Variants in POLA2 observed in about 807,000 individuals in gnomAD.
The protein encoded by POLA2 is DNA polymerase alpha subunit B.
POLA2 carries 47 observed loss-of-function variants against 82.8 expected under a neutral mutation model. The ratio of observed to expected loss-of-function variants is 0.57; its 90% CI spans 0.45 to 0.72. POLA2 has a LOEUF of 0.72. Among genes scored for constraint, POLA2 ranks in the 30% least tolerant of loss-of-function variants. POLA2 has a pLI of 0.00. For missense variants in POLA2, 634 were observed against 728.1 expected (o/e 0.87, Z 1.49); for synonymous variants, 287 against 286.8 (o/e 1.00, Z -0.01).
intron 7 of POLA2, 124 bp from the exon 8 acceptor site, chr11:65,280,867 GC>G: frequency 1.1e-6 from 1 of 930,016 alleles, no homozygotes; most frequent in Admixed American, 2.3e-5. Context: ...CAGGGTCAAA[GC>G]AATGCCCTGC....
intron 17 of POLA2, chr11:65,296,640 G>A (rs1428247356): frequency 6.3e-6 from 1 of 159,772 alleles, no homozygotes; most frequent in Non-Finnish European, 1.4e-5. Context: ...AAGCTTTCTA[G>A]TGACAAGTTA....
At chr11:65,304,550 A>T (rs1001665915) in intron 8 of POLA2, among the ~76,000 whole-genome samples, 24 of 152,200 alleles carry the variant, frequency 1.6e-4, no homozygotes, top group African/African-American at 5.8e-4. Flanking sequence ...GAACCAAATG[A>T]CAACGCCACG....
rs1185434415 is a variant in POLA2, at chr11:65,289,032, T to C, written c.1132-18T>C. 1 of 1,612,456 alleles carries C rather than the reference T, an allele frequency of 6.2e-7. No homozygotes were observed. Among genetic ancestry groups the C allele is most frequent in the Admixed American group, 1.7e-5 (1 of 59,916 alleles). On this transcript the variant is annotated intron_variant, in intron 11 of 17. Coordinates refer to ENST00000265465, the MANE Select transcript of POLA2 (RefSeq NM_002689.4). ...ATTCTGATTTGTTCTTTTGGTGTCTTTGTTTCTCCCCTTGCAGTTTGGCCC... is the reference window on the plus strand; with the variant it reads ...ATTCTGATTTGTTCTTTTGGTGTCTCTGTTTCTCCCCTTGCAGTTTGGCCC...
chr11:65,297,145 A>T lies in POLA2; in HGVS notation c.1673A>T (p.Asn558Ile). The change falls in exon 18 of 18, where the codon AAC (asparagine) becomes ATC (isoleucine). Residue 558 changes from asparagine to isoleucine, a missense_variant. Transcript: ENST00000265465. ...GATGTCCTCGGCTGTGTCTGTGTGA[A>T]CCCTGGGCGCCTTACCAAAGGGCAG... ...VKDVLGCVCV[N>I]PGRLTKGQVG... 1.2e-6 allele frequency: 2 copies of T among 1,613,500 alleles called. No individual in the cohort carries two copies. Among genetic ancestry groups the T allele is most frequent in the Non-Finnish European group, 1.7e-6 (2 of 1,179,854 alleles).
chr11:65,300,903 C>T (rs531929768), downstream of POLA2, among the ~76,000 whole-genome samples: 105 of 152,332 alleles, frequency 6.9e-4, 1 homozygote, highest in Non-Finnish European at 2.1e-4. Flanking sequence ...TTTCACTTAG[C>T]ATGATGTTTT....
chr11:65,286,953 C>T (rs1386797962), intron 10 of POLA2, among the ~76,000 whole-genome samples: 1 of 152,132 alleles, frequency 6.6e-6, no homozygotes, highest in East Asian at 1.9e-4. Context: ...AGGAATTCCC[C>T]AGCTGTCTCA....
chr11:65,281,236 C>T (rs1590901200), intron 8 of POLA2, 89 bp downstream of exon 8: 4 of 1,352,826 alleles, frequency 3.0e-6, no homozygotes, highest in Non-Finnish European at 1.0e-6. Flanking sequence ...CTCCTCAGTT[C>T]CTGTCTCTGC....
At chr11:65,273,994 A>C (rs1949549360) in intron 4 of POLA2, among the ~76,000 whole-genome samples, 1 of 152,170 alleles carries the variant, frequency 6.6e-6, no homozygotes, top group Non-Finnish European at 1.5e-5. Flanking sequence ...ATCACTGAAA[A>C]TTACAAGCAA....
rs1282061281 is a variant in POLA2, at chr11:65,297,513, C to G, written c.*244C>G. 5 of 373,730 alleles carry G rather than the reference C, an allele frequency of 1.3e-5. No individual in the cohort carries two copies. Among genetic ancestry groups the G allele is most frequent in the Admixed American group, 8.4e-5 (2 of 23,778 alleles). 23.2% of individuals were successfully genotyped at this position (373,730 alleles called of 1,614,324 possible). A position where few individuals can be genotyped will look rare whatever the true frequency, so the allele number is the denominator to read the frequency against. ...TCCATGCTCCGTGTCCAGAAGTAAG[C>G]CAGCTGTGGATCCCGCCCACTCAGA... is the stretch of plus-strand genomic sequence containing the variant. On this transcript the variant is annotated 3_prime_UTR_variant, in exon 18 of 18. Coordinates refer to ENST00000265465, the MANE Select transcript of POLA2 (RefSeq NM_002689.4).
chr11:65,292,065 C>G (rs868462278), intron 13 of POLA2, among the ~76,000 whole-genome samples: 2 of 152,162 alleles, frequency 1.3e-5, no homozygotes, highest in Non-Finnish European at 2.9e-5. Context: ...ACGGCGAAAC[C>G]CCATCTCTAC....
At chr11:65,273,890 G>C (rs1949548002) in intron 4 of POLA2, among the ~76,000 whole-genome samples, 1 of 151,972 alleles carries the variant, frequency 6.6e-6, no homozygotes, top group African/African-American at 2.4e-5. Context: ...TATGGGAAAA[G>C]CTGTATGCAT....
intron 13 of POLA2, among the ~76,000 whole-genome samples, chr11:65,291,019 G>A (rs1031471007): frequency 1.3e-5 from 2 of 152,224 alleles, no homozygotes; most frequent in African/African-American, 2.4e-5. Flanking sequence ...TGAGAGAGCT[G>A]TGCAGTTCTC....
At chr11:65,300,203 C>CT (rs1028301317), downstream of POLA2, among the ~76,000 whole-genome samples, 9 of 151,298 alleles carry the variant, frequency 5.9e-5, no homozygotes, top group East Asian at 1.2e-3. Context: ...AATACATCCT[C>CT]TTTTTTTTTG....
In POLA2 at chr11:65,278,794, T is replaced by G. The variant is rs1381167162; in HGVS notation, c.526T>G (p.Leu176Val). ...AGGAGAAGTGGTTACCTCCTTCGGC[T>G]TAGCACAGGGAGTATCTTGGTCTGG... ...NRGEVVTSFG[L>V]AQGVSWSGRG... Residue 176 changes from leucine to valine, a missense_variant, in exon 6 of 18, where the codon TTA (leucine) becomes GTA (valine). Leu to Val is a conservative substitution (Grantham distance 32). Coordinates refer to ENST00000265465, the MANE Select transcript of POLA2 (RefSeq NM_002689.4). The G allele has an allele frequency of 1.2e-6, 2 of 1,613,888 alleles. No individual in the cohort carries two copies.
At chr11:65,294,862 T>C in intron 15 of POLA2, 1 of 430,390 alleles carries the variant, frequency 2.3e-6, no homozygotes, top group Non-Finnish European at 4.1e-6. Flanking sequence ...CTCTCTAAAC[T>C]GCGTTTGAGA....
At chr11:65,278,169 G>A (rs1003928195) in intron 5 of POLA2, among the ~76,000 whole-genome samples, 1 of 152,170 alleles carries the variant, frequency 6.6e-6, no homozygotes, top group African/African-American at 2.4e-5. Flanking sequence ...GTTGAGCCTA[G>A]AAAAATGGGA....
chr11:65,288,519 T>TTG (rs1196216199), intron 11 of POLA2, among the ~76,000 whole-genome samples: 1 of 148,144 alleles, frequency 6.8e-6, no homozygotes, highest in Non-Finnish European at 1.5e-5. Context: ...TTTGTTTTTT[T>TTG]TTTTTTTTTT....
At chr11:65,301,628 C>T (rs1007894483), downstream of POLA2, among the ~76,000 whole-genome samples, 1 of 151,916 alleles carries the variant, frequency 6.6e-6, no homozygotes, top group Admixed American at 6.6e-5. Flanking sequence ...GGGCAACATC[C>T]GCACCATGGA....
At chr11:65,276,105 C>T in intron 5 of POLA2, 107 bp downstream of exon 5, 1 of 551,296 alleles carries the variant, frequency 1.8e-6, no homozygotes, top group Non-Finnish European at 3.2e-6. Flanking sequence ...TATAGGTGGG[C>T]ATGTACCTCT....
Sources: allele counts gnomAD v4.1 joint callset (sites outside exome capture counted in the v4.1 genomes callset), GRCh38; gene constraint gnomAD v4.1.1; transcripts MANE v1.5; gene names NCBI Gene and HGNC (gene_info 2026-07-23, HGNC 2026-07-21).